Variants in SGCD observed in about 807,000 individuals in gnomAD.
SGCD encodes the protein sarcoglycan delta.
In SGCD, 18 loss-of-function variants were observed where a neutral mutation model predicts 36.6. That is an observed-to-expected ratio of 0.49 (90% confidence interval 0.34 to 0.73). The LOEUF (loss-of-function observed/expected upper bound fraction) is 0.73. Ranked by LOEUF, SGCD falls within the 30% of genes least tolerant of loss-of-function variation. SGCD has a pLI of 0.01. For missense variants in SGCD, 387 were observed against 346.7 expected, an observed-to-expected ratio of 1.12 and a Z score of -0.92; for synonymous variants, 133 against 130.6, an observed-to-expected ratio of 1.02 and a Z score of -0.12.
chr5:155,975,609 C>CCTTTTTTTTTTTTTTTTTTTTT (rs1758096365), intron 1 of SGCD, among the ~76,000 whole-genome samples: 1 of 28,008 alleles, frequency 3.6e-5, no homozygotes, highest in Non-Finnish European at 6.9e-5. Context: ...TCTTTCTTTC[C>CCTTTTTTTTTTTTTTTTTTTTT]TTTTTTTTTT....
chr5:156,358,239 G>T (rs1409811853), intron 3 of SGCD, among the ~76,000 whole-genome samples: 2 of 152,146 alleles, frequency 1.3e-5, no homozygotes, highest in Non-Finnish European at 2.9e-5. Context: ...GCCATACATA[G>T]TTGCTTGCCA....
At chr5:155,744,177 G>T in the SGCD span, among the ~76,000 whole-genome samples, 44 of 152,244 alleles carry the variant, frequency 2.9e-4, no homozygotes, top group African/African-American at 1.1e-3. Context: ...ATTTGAAGGA[G>T]CGGGCCAGGT....
Position 156,032,706 on chromosome 5 carries a change from C to CAAAAAAAAAAAAAA in SGCD, c.-281-85155_-281-85142dup, listed in dbSNP as rs1171072619. Among the ~76,000 whole-genome samples the CAAAAAAAAAAAAAA allele has an allele frequency of 3.2e-3, 48 of 15,066 alleles. 11 individuals carry two copies. The highest frequency in any genetic ancestry group is 7.2e-3 in the African/African-American group (48 of 6,706). The allele number at this position is 15,066 out of a possible 152,430, so 9.9% of individuals were successfully genotyped here. On this transcript the variant is annotated intron_variant, in intron 1 of 9. Transcript: ENST00000517913. ...TGGGCGACAGAGCAAGACTCCGTCT[C>CAAAAAAAAAAAAAA]AAAAAAAAAAAAAAAAAAAAAAAAA...
chr5:156,264,989 A>G (rs921354307), intron 3 of SGCD, among the ~76,000 whole-genome samples: 1 of 152,188 alleles, frequency 6.6e-6, no homozygotes, highest in Non-Finnish European at 1.5e-5. Context: ...CACCACCATC[A>G]TTCAGTGAAT....
chr5:156,088,175 T>C (rs767828233), intron 1 of SGCD, among the ~76,000 whole-genome samples: 5 of 152,132 alleles, frequency 3.3e-5, no homozygotes, highest in Non-Finnish European at 7.4e-5. Flanking sequence ...TTGTCATCCA[T>C]ATAAAGCTTT....
intron 3 of SGCD, among the ~76,000 whole-genome samples, chr5:156,311,904 T>C (rs1266375682): frequency 2.0e-5 from 3 of 152,232 alleles, no homozygotes; most frequent in Non-Finnish European, 4.4e-5. Flanking sequence ...TAGCAAATGC[T>C]ACAAACAGAG....
At chr5:156,000,836 C>T (rs976822214) in intron 1 of SGCD, among the ~76,000 whole-genome samples, 4 of 151,186 alleles carry the variant, frequency 2.6e-5, no homozygotes. Flanking sequence ...CCCACCCTTT[C>T]AGTTTTTATT....
intron 1 of SGCD, among the ~76,000 whole-genome samples, chr5:156,057,100 G>C (rs973138378): frequency 3.4e-5 from 5 of 146,552 alleles, no homozygotes; most frequent in African/African-American, 9.8e-5. Context: ...CTATCTCTTA[G>C]CTGTCAAAAA....
chr5:156,080,209 C>G (rs768315539), intron 1 of SGCD, among the ~76,000 whole-genome samples: 14 of 152,196 alleles, frequency 9.2e-5, no homozygotes, highest in Non-Finnish European at 1.6e-4. Context: ...ATGCAGACAT[C>G]AGCCTCCTGG....
At chr5:155,790,836 T>G in the SGCD span, among the ~76,000 whole-genome samples, 1 of 152,160 alleles carries the variant, frequency 6.6e-6, no homozygotes, top group Non-Finnish European at 1.5e-5. Context: ...CTAAGTAGTA[T>G]TGTAAATTCC....
At chr5:156,719,433 A>C (rs1276742389) in intron 7 of SGCD, among the ~76,000 whole-genome samples, 1 of 152,092 alleles carries the variant, frequency 6.6e-6, no homozygotes, top group Non-Finnish European at 1.5e-5. Context: ...CATCTAGAAT[A>C]ATGTTTGACC....
chr5:156,683,544 C>T (rs1186809522), intron 7 of SGCD, among the ~76,000 whole-genome samples: 1 of 152,220 alleles, frequency 6.6e-6, no homozygotes, highest in Non-Finnish European at 1.5e-5. Context: ...AGAAATTCTT[C>T]TATTTCTCTG....
chr5:155,922,415 C>G (rs1756896697), intron 1 of SGCD, among the ~76,000 whole-genome samples: 1 of 152,154 alleles, frequency 6.6e-6, no homozygotes, highest in South Asian at 2.1e-4. Context: ...GTTTCTGTAA[C>G]TGGGTGAGCA....
At chr5:155,965,962 TGAG>T (rs1023412204) in intron 1 of SGCD, among the ~76,000 whole-genome samples, 1 of 152,076 alleles carries the variant, frequency 6.6e-6, no homozygotes, top group Non-Finnish European at 1.5e-5. Context: ...TTGTAGGACT[TGAG>T]GAAAAAAAAT....
chr5:156,414,345 A>G (rs1166254083), intron 3 of SGCD, among the ~76,000 whole-genome samples: 1 of 152,224 alleles, frequency 6.6e-6, no homozygotes, highest in Non-Finnish European at 1.5e-5. Context: ...ATGTCCATCA[A>G]TTGGATATCG....
intron 3 of SGCD, among the ~76,000 whole-genome samples, chr5:156,165,552 A>C (rs1207923642): frequency 6.6e-6 from 1 of 152,140 alleles, no homozygotes. Flanking sequence ...AGATGTTTCA[A>C]TTTGTACTAT....
intron 7 of SGCD, among the ~76,000 whole-genome samples, chr5:156,735,638 C>G (rs1166624302): frequency 2.0e-5 from 3 of 152,170 alleles, no homozygotes; most frequent in African/African-American, 7.2e-5. Context: ...GGAGCTCTGT[C>G]CCGGGTAGGT....
At chr5:156,480,975 G>A (rs988724392) in intron 3 of SGCD, among the ~76,000 whole-genome samples, 2 of 152,250 alleles carry the variant, frequency 1.3e-5, no homozygotes, top group South Asian at 2.1e-4. Flanking sequence ...TTCCAGGAGC[G>A]AGTTCCAACC....
chr5:156,710,762 C>G (rs1053483854), intron 7 of SGCD, among the ~76,000 whole-genome samples: 1 of 152,042 alleles, frequency 6.6e-6, no homozygotes, highest in African/African-American at 2.4e-5. Flanking sequence ...TAGATGAAGT[C>G]TCATAGGTGG....
Sources: gnomAD v4.1 joint callset for allele counts (sites outside exome capture counted in the v4.1 genomes callset) on GRCh38, gnomAD v4.1.1 for gene constraint, MANE v1.5 for transcripts, NCBI Gene and HGNC (gene_info 2026-07-23, HGNC 2026-07-21) for gene names.